The following SIDT2 variants were observed in gnomAD, a reference collection of about 807,000 sequenced individuals.
SIDT2 encodes SID1 transmembrane family member 2, also known as SID1 transmembrane family, member 2.
Under a neutral mutation model 114.4 loss-of-function variants are expected in SIDT2, and 68 were observed. The ratio of observed to expected loss-of-function variants is 0.59; its 90% CI spans 0.49 to 0.73. SIDT2 has a LOEUF of 0.73. Ranked by LOEUF, SIDT2 falls within the 30% of genes least tolerant of loss-of-function variation. The pLI, the probability that SIDT2 is intolerant of heterozygous loss-of-function variation, is 0.00. For synonymous variants in SIDT2, 470 were observed against 438.4 expected, an observed-to-expected ratio of 1.07 and a Z score of -0.90; for missense variants, 918 against 1,097.1, an observed-to-expected ratio of 0.84 and a Z score of 2.31.
rs748210135 is a variant in SIDT2, at chr11:117,189,260, C to T, written c.1352+18C>T. ...TACTTCTGGTGAGTGGGCTGAGTGT[C>T]TGGGGCTCTGCTGTTGGTGGGTGTG... On this transcript the variant is annotated intron_variant, in intron 14 of 25. Transcript: ENST00000324225. 6.2e-7 allele frequency: 1 copy of T among 1,614,156 alleles called. No homozygotes were observed. The highest frequency in any genetic ancestry group is 1.7e-5 in the Admixed American group (1 of 60,032).
rs187820265 is a variant in SIDT2 at position 117,195,036 on chromosome 11, G to C, written c.2323-766G>C. On this transcript the variant is annotated intron_variant, in intron 24 of 25. Transcript: ENST00000324225. ...CGGGAGGTGGAGGTTGCAGTGAGCT[G>C]AGATCTCTCCACTGCACTCCAGCCT... 1.1e-4 allele frequency among the ~76,000 whole-genome samples: 14 copies of C among 124,896 alleles called. No individual in the cohort carries two copies. In the East Asian group the frequency reaches 3.4e-3, roughly 30 times the overall value. The allele number at this position is 124,896 out of a possible 152,430, so 81.9% of individuals were successfully genotyped here.
At position 117,192,044 on chromosome 11, in the gene SIDT2, G is replaced by GT; in HGVS notation, c.1872+31dup. The stretch of plus-strand genomic sequence containing the variant: ...GGGCCTGACCTGCTCTGCTCAGCCT[G>GT]TATGATAGGAAAGGTGCACGTGCGT... On this transcript the variant is annotated intron_variant, in intron 19 of 25. Transcript: ENST00000324225. The surrounding 1 kb of genome is among the most constrained non-coding windows in gnomAD (Gnocchi z 5.9). The GT allele has an allele frequency of 6.2e-7, 1 of 1,612,910 alleles. No homozygotes were observed. Among genetic ancestry groups the GT allele is most frequent in the South Asian group, 1.1e-5 (1 of 91,032 alleles).
rs2030923592 is a variant in SIDT2, at chr11:117,197,242, A to G, written c.*1176A>G. On this transcript the variant is annotated 3_prime_UTR_variant, in exon 26 of 26. Coordinates refer to ENST00000324225, the MANE Select transcript of SIDT2 (RefSeq NM_001040455.2). ...CCCTTCGTCCCACCTGGTCCACCCC[A>G]GATGCTGAGGATGGGGGAGCTCAGG... The G allele has an allele frequency of 6.6e-6, 1 of 152,506 alleles. No individual in the cohort carries two copies. Among genetic ancestry groups the G allele is most frequent in the Non-Finnish European group, 1.5e-5 (1 of 68,070 alleles). 9.4% of individuals were successfully genotyped at this position (152,506 alleles called of 1,614,324 possible).
In SIDT2 at chr11:117,190,961, A is replaced by G. The variant is rs1215336945; in HGVS notation, c.1735+221A>G. 2 of 513,506 alleles carry G rather than the reference A, an allele frequency of 3.9e-6. No individual in the cohort carries two copies. Among genetic ancestry groups the G allele is most frequent in the Non-Finnish European group, 7.0e-6 (2 of 285,414 alleles). The allele number at this position is 513,506 out of a possible 1,614,324, so 31.8% of individuals were successfully genotyped here. On this transcript the variant is annotated intron_variant, in intron 18 of 25. Transcript: ENST00000324225. The surrounding 1 kb of genome is among the most constrained non-coding windows in gnomAD (Gnocchi z 4.1). ...ATTCCTATGTAAAGGCATGTGCCGC[A>G]GTGAAGAAAACAGTATAATTAAGAA...
In SIDT2 at chr11:117,190,947, A is replaced by G; in HGVS notation, c.1735+207A>G. ...TCATCTGTCAAGCTATTCCTATGTA[A>G]AGGCATGTGCCGCAGTGAAGAAAAC... On this transcript the variant is annotated intron_variant, in intron 18 of 25. Coordinates refer to ENST00000324225, the MANE Select transcript of SIDT2 (RefSeq NM_001040455.2). The surrounding 1 kb of genome is among the most constrained non-coding windows in gnomAD (Gnocchi z 4.1). The G allele has an allele frequency of 1.8e-6, 1 of 549,256 alleles. No homozygotes were observed. The highest frequency in any genetic ancestry group is 2.3e-5 in the South Asian group (1 of 43,702). 34.0% of individuals were successfully genotyped at this position (549,256 alleles called of 1,614,324 possible). A position where few individuals can be genotyped will look rare whatever the true frequency, so the allele number is the denominator to read the frequency against.
chr11:117,182,793 C>T lies in SIDT2; in HGVS notation c.689C>T (p.Ala230Val). 6.2e-7 allele frequency: 1 copy of T among 1,613,864 alleles called. No homozygotes were observed. The stretch of plus-strand genomic sequence containing the variant: ...TACCAGACGATGACCAAGAAGGCGG[C>T]CATCACCGTACAGGTAGGAAATGCA... ...GMYQTMTKKA[A>V]ITVQRKDFPS... is the part of the protein sequence containing the mutation. Residue 230 changes from alanine to valine, a missense_variant, in exon 6 of 26, where the codon GCC becomes GTC. Physicochemically the swap from Ala to Val is moderately conservative, Grantham distance 64 (BLOSUM62 0). Transcript: ENST00000324225.
chr11:117,192,158 T>A lies in SIDT2; in HGVS notation c.1873-96T>A, dbSNP rs191469809. ...ATGCCTTCCTGGGCCCCTCTCAGAG[T>A]CCCAGCCTGGCTGAGCAGCCAGCCC... On this transcript the variant is annotated intron_variant, in intron 19 of 25. Coordinates refer to ENST00000324225, the MANE Select transcript of SIDT2 (RefSeq NM_001040455.2). The surrounding 1 kb of genome is among the most constrained non-coding windows in gnomAD (Gnocchi z 5.9). 1,057 of 1,514,680 alleles carry A rather than the reference T, an allele frequency of 7.0e-4. 7 individuals carry two copies. The African/African-American group carries it at 0.013, about 19-fold the overall frequency. 93.8% of individuals were successfully genotyped at this position (1,514,680 alleles called of 1,614,324 possible). A position where few individuals can be genotyped will look rare whatever the true frequency, so the allele number is the denominator to read the frequency against.
Position 117,187,413 on chromosome 11 carries a change from A to C in SIDT2, c.1051A>C (p.Ser351Arg). Residue 351 changes from serine (S) to arginine (R), a missense_variant, in exon 11 of 26, where the codon AGT becomes CGT. Coordinates refer to ENST00000324225, the MANE Select transcript of SIDT2 (RefSeq NM_001040455.2). ...PRVLADSFPGSSPYEGYNYGS... is the reference protein window; with the variant it reads ...PRVLADSFPGRSPYEGYNYGS... ...AGTCCTGGCTGATTCTTTTCCTGGC[A>C]GTTCCCCTTATGAGGGTTACAACTA... 6.2e-7 allele frequency: 1 copy of C among 1,614,022 alleles called. No individual in the cohort carries two copies. Among genetic ancestry groups the C allele is most frequent in the East Asian group, 2.2e-5 (1 of 44,858 alleles).
chr11:117,187,282 C>A, intron 10 of SIDT2, 96 bp from the exon 11 acceptor site: 2 of 1,240,314 alleles, frequency 1.6e-6, no homozygotes, highest in South Asian at 1.2e-5. Context: ...CATGGCCTCC[C>A]TGTGGCTGTC....
At chr11:117,187,525 A>G (rs2030544092) in intron 11 of SIDT2, 76 bp downstream of exon 11, 1 of 1,592,916 alleles carries the variant, frequency 6.3e-7, no homozygotes. Context: ...CGAGGCGGTA[A>G]AGTGGGAGCC....
chr11:117,190,500 C>A lies in SIDT2; in HGVS notation c.1618-123C>A. ...CCCAGGCCAGCCCACCCCTGCACAC[C>A]CACACTCGACACATACCCCACCCCT... On this transcript the variant is annotated intron_variant, in intron 17 of 25. Coordinates refer to ENST00000324225, the MANE Select transcript of SIDT2 (RefSeq NM_001040455.2). This position sits in a 1 kb window ranked among gnomAD's most constrained non-coding sequence, Gnocchi z 4.1. 9.3e-7 allele frequency: 1 copy of A among 1,080,572 alleles called. No homozygotes were observed. The allele number at this position is 1,080,572 out of a possible 1,614,324, so 66.9% of individuals were successfully genotyped here. A position where few individuals can be genotyped will look rare whatever the true frequency, so the allele number is the denominator to read the frequency against.
intron 12 of SIDT2, 43 bp downstream of exon 12, chr11:117,187,742 T>C (rs2030553528): frequency 6.3e-7 from 1 of 1,593,764 alleles, no homozygotes; most frequent in East Asian, 2.2e-5. Flanking sequence ...TGCAGGACGG[T>C]GTTGTCTGGG....
chr11:117,190,826 T>C lies in SIDT2; in HGVS notation c.1735+86T>C. 2 of 1,062,498 alleles carry C rather than the reference T, an allele frequency of 1.9e-6. No individual in the cohort carries two copies. The highest frequency in any genetic ancestry group is 2.9e-6 in the Non-Finnish European group (2 of 686,948). The allele number at this position is 1,062,498 out of a possible 1,614,324, so 65.8% of individuals were successfully genotyped here. ...ACTATCCCCAAGTCACCCACAGGGA[T>C]CGCTAAGACACCCCTGTAGGAAACT... On this transcript the variant is annotated intron_variant, in intron 18 of 25. Coordinates refer to ENST00000324225, the MANE Select transcript of SIDT2 (RefSeq NM_001040455.2). The surrounding 1 kb of genome is among the most constrained non-coding windows in gnomAD (Gnocchi z 4.1).
Position 117,194,024 on chromosome 11 carries a change from T to C in SIDT2, c.2322+61T>C, listed in dbSNP as rs557586754. On this transcript the variant is annotated intron_variant, in intron 24 of 25. Coordinates refer to ENST00000324225, the MANE Select transcript of SIDT2 (RefSeq NM_001040455.2). ...AAGTGGCCAGTCCTCTTTTTAAACA[T>C]TGGGGCTGAGCCTGGGATTACCTGT... 9.4e-5 allele frequency: 126 copies of C among 1,347,134 alleles called. 1 individual carries two copies. The highest frequency in any genetic ancestry group is 9.3e-4 in the South Asian group (78 of 83,528). 83.4% of individuals were successfully genotyped at this position (1,347,134 alleles called of 1,614,324 possible). A position where few individuals can be genotyped will look rare whatever the true frequency, so the allele number is the denominator to read the frequency against.
At position 117,193,207 on chromosome 11, in the gene SIDT2, C is replaced by A. The variant is rs868281338; in HGVS notation, c.2160C>A (p.Ala720=). 3.0e-5 allele frequency: 48 copies of A among 1,614,048 alleles called. No homozygotes were observed. Among genetic ancestry groups the A allele is most frequent in the Non-Finnish European group, 4.0e-5 (47 of 1,180,028 alleles). The change falls in exon 23 of 26, where the codon GCC becomes GCA. Residue 720 remains alanine, a synonymous_variant. Transcript: ENST00000324225. The part of the protein sequence containing the change: ...RPNDFASYLL[A]IGICNLLLYF... ...ATGATTTCGCTTCCTACTTGTTGGCCATTGGCATCTGCAACCTGCTCCTTT... is the reference window on the plus strand; with the variant it reads ...ATGATTTCGCTTCCTACTTGTTGGCAATTGGCATCTGCAACCTGCTCCTTT...
At position 117,192,454 on chromosome 11, in the gene SIDT2, G is replaced by A. The variant is rs902984914; in HGVS notation, c.1981+92G>A. The A allele has an allele frequency of 2.1e-6, 3 of 1,419,492 alleles. No homozygotes were observed. 87.9% of individuals were successfully genotyped at this position (1,419,492 alleles called of 1,614,324 possible). A position where few individuals can be genotyped will look rare whatever the true frequency, so the allele number is the denominator to read the frequency against. Reference sequence around the variant, plus strand: ...GGAGACGCTCAGGTTCTGTCTTGGGGGCCCTGGAGTCACTGGGTGAGGAAT... The same window carrying A: ...GGAGACGCTCAGGTTCTGTCTTGGGAGCCCTGGAGTCACTGGGTGAGGAAT... On this transcript the variant is annotated intron_variant, in intron 20 of 25. Transcript: ENST00000324225. The surrounding 1 kb of genome is among the most constrained non-coding windows in gnomAD (Gnocchi z 5.9).
chr11:117,190,273 A>T lies in SIDT2; in HGVS notation c.1601A>T (p.Asn534Ile). The T allele has an allele frequency of 6.4e-7, 1 of 1,552,202 alleles. No individual in the cohort carries two copies. The highest frequency in any genetic ancestry group is 8.7e-7 in the Non-Finnish European group (1 of 1,150,372). Residue 534 changes from asparagine (N) to isoleucine (I), a missense_variant, in exon 17 of 26, where the codon AAT becomes ATT. Transcript: ENST00000324225. The surrounding 1 kb of genome is among the most constrained non-coding windows in gnomAD (Gnocchi z 4.1). The part of the protein sequence containing the change: ...EINHNRALLR[N>I]DLCALECGIP... ...AACCACAACCGGGCCCTGCTGCGCA[A>T]TGACCTCTGTGCCCTGGTAAGGGAG...
intron 3 of SIDT2, 40 bp from the exon 4 acceptor site, chr11:117,182,020 C>T (rs761097047): frequency 1.9e-6 from 3 of 1,614,032 alleles, no homozygotes; most frequent in Middle Eastern, 1.7e-4. Context: ...CTTCCCCAGG[C>T]TCCGGGGGTG....
intron 24 of SIDT2, 24 bp from the exon 25 acceptor site, chr11:117,195,778 C>G: frequency 2.5e-6 from 4 of 1,613,368 alleles, no homozygotes; most frequent in Middle Eastern, 1.6e-4. Context: ...GGTCATTCGG[C>G]AGTTTTTCTT....
Sources: gnomAD v4.1 joint callset for allele counts (sites outside exome capture counted in the v4.1 genomes callset) on GRCh38, gnomAD v4.1.1 for gene constraint, Gnocchi (gnomAD v3.1) non-coding constraint, MANE v1.5 for transcripts, NCBI Gene and HGNC (gene_info 2026-07-23, HGNC 2026-07-21) for gene names.